The following RIPOR2 variants were observed in gnomAD, a reference collection of about 807,000 sequenced individuals.
RIPOR2 encodes the protein rho family-interacting cell polarization regulator 2.
RIPOR2 carries 39 observed loss-of-function variants against 114.5 expected under a neutral mutation model. That is an observed-to-expected ratio of 0.34 (90% CI 0.26 to 0.44). The LOEUF is 0.44. Among genes scored for constraint, RIPOR2 ranks in the 20% least tolerant of loss-of-function variants. RIPOR2 has a pLI of 1.00. For synonymous variants in RIPOR2, 445 were observed against 484.4 expected (o/e 0.92, Z 1.07); for missense variants, 1,007 against 1,255.1 (o/e 0.80, Z 2.99).
chr6:24,919,866 G>A (rs868704062), intron 1 of RIPOR2, among the ~76,000 whole-genome samples: 1 of 152,058 alleles, frequency 6.6e-6, no homozygotes, highest in African/African-American at 2.4e-5. Context: ...GAATACACTC[G>A]CCCTCTTGTC....
Position 24,835,829 on chromosome 6 carries a change from T to A in RIPOR2, c.2082A>T (p.Glu694Asp). The change falls in exon 15 of 22, where the codon GAA becomes GAT. Residue 694 changes from glutamate to aspartate, a missense_variant. Coordinates refer to ENST00000643898, the MANE Select transcript of RIPOR2 (RefSeq NM_001286445.3). ...CAACTCCTGTGTCTTCAGTGAGCGC[T>A]TCACTGAGATGCCCCCTGGCTTCTG... ...VHPEARGHLS[E>D]ALTEDTGVGT... 1 of 1,551,546 alleles carries A rather than the reference T, an allele frequency of 6.4e-7. No individual in the cohort carries two copies. Among genetic ancestry groups the A allele is most frequent in the African/African-American group, 1.4e-5 (1 of 73,130 alleles).
At chr6:24,931,342 C>G (rs975202176) in intron 1 of RIPOR2, among the ~76,000 whole-genome samples, 1 of 152,044 alleles carries the variant, frequency 6.6e-6, no homozygotes, top group Non-Finnish European at 1.5e-5. Flanking sequence ...CTCCCTCTGA[C>G]CTGAAGTTCC....
intron 13 of RIPOR2, chr6:24,840,528 A>G: frequency 7.0e-7 from 1 of 1,428,348 alleles, no homozygotes; most frequent in Admixed American, 2.7e-5. Flanking sequence ...GGTGGGTCGA[A>G]TGGGACAAAT....
chr6:24,850,565 A>G (rs1158575931), intron 10 of RIPOR2, 32 bp downstream of exon 10: 1 of 1,613,128 alleles, frequency 6.2e-7, no homozygotes, highest in Non-Finnish European at 8.5e-7. Context: ...CCGTGGCACC[A>G]GGAAAGACAA....
At chr6:24,869,378 C>T (rs1764939019) in intron 5 of RIPOR2, among the ~76,000 whole-genome samples, 1 of 149,306 alleles carries the variant, frequency 6.7e-6, no homozygotes, top group African/African-American at 2.5e-5. Flanking sequence ...AGCACAATGG[C>T]ACAATCTGAG....
chr6:24,850,370 C>T (rs558197080), intron 10 of RIPOR2, among the ~76,000 whole-genome samples: 92 of 152,310 alleles, frequency 6.0e-4, no homozygotes, highest in Middle Eastern at 3.4e-3. Context: ...GCTGGGATTA[C>T]AGGCGTGAGC....
At chr6:24,898,188 G>A (rs190141649) in intron 1 of RIPOR2, among the ~76,000 whole-genome samples, 1 of 152,144 alleles carries the variant, frequency 6.6e-6, no homozygotes, top group Admixed American at 6.5e-5. Flanking sequence ...TAAGGTCAAA[G>A]GTAAAAAGAC....
intron 1 of RIPOR2, among the ~76,000 whole-genome samples, chr6:24,966,179 G>T (rs1053530140): frequency 6.6e-6 from 1 of 152,156 alleles, no homozygotes; most frequent in Non-Finnish European, 1.5e-5. Context: ...ATCTGAGCCT[G>T]TCCTCACTTT....
Position 24,843,353 on chromosome 6 carries a change from C to T in RIPOR2, c.1366G>A (p.Gly456Ser), listed in dbSNP as rs367599631. The change falls in exon 13 of 22, where the codon GGT becomes AGT. Residue 456 changes from glycine (G) to serine (S), a missense_variant. Gly to Ser is a moderately conservative substitution (Grantham distance 56, BLOSUM62 0). Coordinates refer to ENST00000643898, the MANE Select transcript of RIPOR2 (RefSeq NM_001286445.3). Reference protein sequence around the residue: ...NLSSLASQNEGMDDTSSASSR... With the variant: ...NLSSLASQNESMDDTSSASSR... ...GATGCTGAGCTGGTGTCATCCATAC[C>T]CTCATTCTGGGAGGCCAAGCTGCTG... The T allele has an allele frequency of 4.3e-6, 7 of 1,613,692 alleles. No individual in the cohort carries two copies. The African/African-American group carries it at 6.7e-5, about 15-fold the overall frequency.
rs35997558 is a variant in RIPOR2 at position 24,967,909 on chromosome 6, CTTT to C, written c.76+73939_76+73941del. 2.5e-3 allele frequency among the ~76,000 whole-genome samples: 311 copies of C among 123,506 alleles called. 7 individuals carry two copies. The highest frequency in any genetic ancestry group is 4.4e-3 in the Middle Eastern group (1 of 228). 81.0% of individuals were successfully genotyped at this position (123,506 alleles called of 152,430 possible). On this transcript the variant is annotated intron_variant, in intron 1 of 13. Coordinates refer to the RIPOR2 transcript ENST00000510784. ...CCTGTCTTGGCTGCAAGATCTCAAT[CTTT>C]TTTTTTTTTTTTTTTTTTTAGATGG...
At chr6:24,949,120 T>C (rs577266165) in intron 1 of RIPOR2, among the ~76,000 whole-genome samples, 1 of 152,276 alleles carries the variant, frequency 6.6e-6, no homozygotes, top group South Asian at 2.1e-4. Flanking sequence ...GTGACAACAA[T>C]TTGAAAAGCG....
At chr6:24,936,093 G>A (rs1184607733), upstream of RIPOR2, 4 of 548,006 alleles carry the variant, frequency 7.3e-6, no homozygotes, top group Admixed American at 3.5e-5. Context: ...AATCCCAGGT[G>A]GGGTAATTCT....
chr6:24,895,719 T>C (rs1178188318), intron 1 of RIPOR2, among the ~76,000 whole-genome samples: 1 of 152,158 alleles, frequency 6.6e-6, no homozygotes, highest in Admixed American at 6.5e-5. Flanking sequence ...GGCCGGGCGC[T>C]GTGGCTCACG....
At chr6:25,010,228 C>T (rs1306252567) in intron 1 of RIPOR2, among the ~76,000 whole-genome samples, 6 of 152,132 alleles carry the variant, frequency 3.9e-5, no homozygotes, top group Admixed American at 2.6e-4. Context: ...TGAACAGTCT[C>T]GTGCCCTCCC....
intron 1 of RIPOR2, among the ~76,000 whole-genome samples, chr6:24,981,711 C>T (rs1774305100): frequency 6.6e-6 from 1 of 152,202 alleles, no homozygotes; most frequent in Admixed American, 6.5e-5. Flanking sequence ...CTACCTCTGC[C>T]ACTTGCTAAT....
intron 1 of RIPOR2, among the ~76,000 whole-genome samples, chr6:24,910,181 C>A (rs1419811186): frequency 2.6e-5 from 4 of 152,158 alleles, no homozygotes; most frequent in African/African-American, 7.2e-5. Context: ...CCCCTCCCCC[C>A]ATCTTTCCAG....
At chr6:24,864,783 A>T (rs1764415730) in intron 7 of RIPOR2, among the ~76,000 whole-genome samples, 1 of 152,138 alleles carries the variant, frequency 6.6e-6, no homozygotes, top group Non-Finnish European at 1.5e-5. Context: ...ACAATTAAAA[A>T]AAACATTGTA....
intron 8 of RIPOR2, 114 bp downstream of exon 8, chr6:24,860,859 G>A (rs1036261273): frequency 1.5e-6 from 1 of 662,304 alleles, no homozygotes. Context: ...GTTGAGAGTG[G>A]GTGGCGCTGC....
chr6:24,857,836 C>T (rs1763636496), intron 8 of RIPOR2, among the ~76,000 whole-genome samples: 1 of 152,228 alleles, frequency 6.6e-6, no homozygotes, highest in Admixed American at 6.5e-5. Flanking sequence ...CCCTTTACCT[C>T]CATCCTGTTT....
Sources: allele counts gnomAD v4.1 joint callset (sites outside exome capture counted in the v4.1 genomes callset), GRCh38; gene constraint gnomAD v4.1.1; transcripts MANE v1.5; gene names NCBI Gene and HGNC (gene_info 2026-07-23, HGNC 2026-07-21).